The following STXBP6 variants were observed in gnomAD, a reference collection of about 807,000 sequenced individuals.
The protein encoded by STXBP6 is syntaxin binding protein 6.
In STXBP6, 21 loss-of-function variants were observed where a neutral mutation model predicts 26.9. The ratio of observed to expected loss-of-function variants is 0.78; its 90% CI spans 0.55 to 1.12. STXBP6 has a LOEUF of 1.12. Ranked by LOEUF, STXBP6 falls within the 50% of genes most tolerant of loss-of-function variation. STXBP6 has a pLI of 0.00. For missense variants in STXBP6, 232 were observed against 257.9 expected (o/e 0.90, Z 0.69); for synonymous variants, 97 against 92.6 (o/e 1.05, Z -0.27).
At chr14:24,845,860 C>T (rs779643922) in intron 4 of STXBP6, among the ~76,000 whole-genome samples, 5 of 152,068 alleles carry the variant, frequency 3.3e-5, no homozygotes, top group Non-Finnish European at 5.9e-5. Flanking sequence ...TTTGAGGATG[C>T]TGGGGGCTTT....
intron 2 of STXBP6, among the ~76,000 whole-genome samples, chr14:24,904,625 G>C (rs550788372): frequency 6.6e-6 from 1 of 152,270 alleles, no homozygotes; most frequent in East Asian, 1.9e-4. Flanking sequence ...AATCCAATAG[G>C]AATGATATCC....
chr14:25,044,388 C>A (rs2075693592), intron 1 of STXBP6, among the ~76,000 whole-genome samples: 1 of 152,042 alleles, frequency 6.6e-6, no homozygotes, highest in South Asian at 2.1e-4. Flanking sequence ...TCCAATTTCT[C>A]CACATTCTCC....
intron 2 of STXBP6, among the ~76,000 whole-genome samples, chr14:24,926,724 G>T (rs2072184597): frequency 6.6e-6 from 1 of 152,112 alleles, no homozygotes; most frequent in African/African-American, 2.4e-5. Flanking sequence ...GAATCAGGCT[G>T]TGCAGTTCAT....
chr14:24,892,856 C>T (rs1369074701), intron 2 of STXBP6, among the ~76,000 whole-genome samples: 3 of 152,104 alleles, frequency 2.0e-5, no homozygotes, highest in South Asian at 4.2e-4. Context: ...GGGAGAGAGC[C>T]GAGTGGACCT....
intron 1 of STXBP6, among the ~76,000 whole-genome samples, chr14:25,035,032 T>C (rs1333234590): frequency 6.6e-6 from 1 of 151,290 alleles, no homozygotes; most frequent in African/African-American, 2.4e-5. Context: ...GCACCTATAA[T>C]CCCAGCTACT....
At chr14:25,045,695 C>CTTGCCT (rs2075716697) in intron 1 of STXBP6, among the ~76,000 whole-genome samples, 1 of 151,578 alleles carries the variant, frequency 6.6e-6, no homozygotes. Flanking sequence ...CCTTCGTCTC[C>CTTGCCT]CAGATTCAAG....
intron 2 of STXBP6, among the ~76,000 whole-genome samples, chr14:24,970,454 A>G (rs2073873442): frequency 6.6e-6 from 1 of 152,114 alleles, no homozygotes; most frequent in Non-Finnish European, 1.5e-5. Flanking sequence ...TCTGTTCTAG[A>G]ATGTCATATA....
At chr14:24,864,813 C>A (rs1329054865) in intron 2 of STXBP6, among the ~76,000 whole-genome samples, 1 of 152,150 alleles carries the variant, frequency 6.6e-6, no homozygotes, top group African/African-American at 2.4e-5. Flanking sequence ...TCTCTTGGCT[C>A]TCCTGCCTCC....
chr14:25,049,275 C>T lies in STXBP6; in HGVS notation c.-33+603G>A. 3 of 985,460 alleles carry T rather than the reference C, an allele frequency of 3.0e-6. No individual in the cohort carries two copies. The highest frequency in any genetic ancestry group is 3.6e-6 in the Non-Finnish European group (3 of 829,952). The allele number at this position is 985,460 out of a possible 1,614,324, so 61.0% of individuals were successfully genotyped here. A position where few individuals can be genotyped will look rare whatever the true frequency, so the allele number is the denominator to read the frequency against. ...CCGGCGTGCACGGCAAGCGCGAATT[C>T]GGAACCTGGCGCCCTTGACCAAGCC... is the stretch of plus-strand genomic sequence containing the variant. On this transcript the variant is annotated intron_variant, in intron 1 of 5. Transcript: ENST00000323944. The surrounding 1 kb of genome is among the most constrained non-coding windows in gnomAD (Gnocchi z 5.6).
At chr14:24,996,811 C>T (rs565420546) in intron 1 of STXBP6, among the ~76,000 whole-genome samples, 212 of 140,028 alleles carry the variant, frequency 1.5e-3, no homozygotes, top group African/African-American at 5.4e-3. Context: ...GCCAAGATCG[C>T]GCCATTGTAC....
At chr14:24,891,355 G>A (rs1437524912) in intron 2 of STXBP6, among the ~76,000 whole-genome samples, 1 of 152,092 alleles carries the variant, frequency 6.6e-6, no homozygotes, top group Non-Finnish European at 1.5e-5. Flanking sequence ...GATAAATAGG[G>A]GTTACCTATG....
chr14:24,885,081 A>T (rs1475774987), intron 2 of STXBP6, among the ~76,000 whole-genome samples: 2 of 152,192 alleles, frequency 1.3e-5, no homozygotes, highest in African/African-American at 4.8e-5. Context: ...CCTATTTAGA[A>T]GGAAAATGTC....
At chr14:24,873,186 G>C (rs2139354345) in intron 2 of STXBP6, among the ~76,000 whole-genome samples, 1 of 152,238 alleles carries the variant, frequency 6.6e-6, no homozygotes. Flanking sequence ...AAATAAAAAT[G>C]TATCCCCTGA....
rs533500979 is a variant in STXBP6, at chr14:24,958,202, C to CT, written c.154+16462dup. ...AATTTAAATATTTCAATACAAATCT[C>CT]TTTTTAATATTGCCCATACCAAAGT... On this transcript the variant is annotated intron_variant, in intron 2 of 5. Coordinates refer to ENST00000323944, the MANE Select transcript of STXBP6 (RefSeq NM_001394410.1). 1.7e-3 allele frequency among the ~76,000 whole-genome samples: 253 copies of CT among 152,294 alleles called. 1 individual carries two copies. The highest frequency in any genetic ancestry group is 0.015 in the South Asian group (71 of 4,832).
chr14:25,040,275 G>A (rs1595362041), intron 1 of STXBP6, among the ~76,000 whole-genome samples: 1 of 152,196 alleles, frequency 6.6e-6, no homozygotes, highest in South Asian at 2.1e-4. Flanking sequence ...GGGGTGGTCA[G>A]AAAGGAGGCA....
chr14:24,818,251 T>C (rs1172172784), intron 5 of STXBP6: 2 of 413,176 alleles, frequency 4.8e-6, no homozygotes, highest in East Asian at 7.1e-5. Context: ...ACAACAGTAA[T>C]AAATCCTCTT....
intron 1 of STXBP6, among the ~76,000 whole-genome samples, chr14:25,028,602 G>A (rs557276725): frequency 2.6e-5 from 4 of 152,070 alleles, no homozygotes; most frequent in Admixed American, 6.5e-5. Context: ...GATTAATGTT[G>A]TTTTCATGTC....
At chr14:24,930,616 GAGGGGC>G (rs893359795) in intron 2 of STXBP6, among the ~76,000 whole-genome samples, 5 of 152,192 alleles carry the variant, frequency 3.3e-5, no homozygotes, top group Admixed American at 1.3e-4. Flanking sequence ...GGGATCTAAA[GAGGGGC>G]AGGTTTACCA....
chr14:25,049,087 G>A lies in STXBP6; in HGVS notation c.-33+791C>T, dbSNP rs1271488437. 22 of 913,824 alleles carry A rather than the reference G, an allele frequency of 2.4e-5. No individual in the cohort carries two copies. The highest frequency in any genetic ancestry group is 1.0e-4 in the South Asian group (2 of 19,948). 56.6% of individuals were successfully genotyped at this position (913,824 alleles called of 1,614,324 possible). A position where few individuals can be genotyped will look rare whatever the true frequency, so the allele number is the denominator to read the frequency against. The stretch of plus-strand genomic sequence containing the variant: ...GGGACTTTCTCCTAAAGAACAAGAT[G>A]TCTTTCCAAATTCTCCACCTGCAGG... On this transcript the variant is annotated intron_variant, in intron 1 of 5. Coordinates refer to ENST00000323944, the MANE Select transcript of STXBP6 (RefSeq NM_001394410.1). The surrounding 1 kb of genome is among the most constrained non-coding windows in gnomAD (Gnocchi z 5.6).
Sources: allele counts gnomAD v4.1 joint callset (sites outside exome capture counted in the v4.1 genomes callset), GRCh38; gene constraint gnomAD v4.1.1; non-coding constraint Gnocchi (gnomAD v3.1); transcripts MANE v1.5; gene names NCBI Gene and HGNC (gene_info 2026-07-23, HGNC 2026-07-21).